The following MED6 variants were observed in gnomAD, a reference collection of about 807,000 sequenced individuals.
MED6 encodes the protein mediator complex subunit 6.
Under a neutral mutation model 37.5 loss-of-function variants are expected in MED6, and 33 were observed. The ratio of observed to expected loss-of-function variants is 0.88; its 90% confidence interval spans 0.67 to 1.18. The LOEUF (loss-of-function observed/expected upper bound fraction) is 1.18. Ranked by LOEUF, MED6 falls within the 50% of genes most tolerant of loss-of-function variation. The pLI is 0.00. For missense variants in MED6, 235 were observed against 290.6 expected, an observed-to-expected ratio of 0.81 and a Z score of 1.39; for synonymous variants, 94 against 93.6, an observed-to-expected ratio of 1.00 and a Z score of -0.02.
intron 2 of MED6, 86 bp downstream of exon 2, chr14:70,597,532 C>A: frequency 8.2e-7 from 1 of 1,214,822 alleles, no homozygotes; most frequent in South Asian, 2.3e-5. Flanking sequence ...AAGTTCTACT[C>A]TGCACTTCAT....
At chr14:70,585,889 C>T in intron 6 of MED6, 106 bp from the exon 7 acceptor site, 2 of 807,398 alleles carry the variant, frequency 2.5e-6, no homozygotes, top group Non-Finnish European at 3.8e-6. Flanking sequence ...AAAATGAAAG[C>T]TTCATCCAAA....
In MED6 at chr14:70,596,628, C is replaced by T. The variant is rs1566678073; in HGVS notation, c.257G>A (p.Arg86Gln). The change falls in exon 3 of 8, where the codon CGG becomes CAG. Residue 86 changes from arginine to glutamine, a missense_variant. By Grantham distance (43) the Arg-to-Gln change is conservative (BLOSUM62 1). Transcript: ENST00000256379. ...PILFIIRKQQ[R>Q]QSPAQVIPLA... ...CATTTTACCTTGGGCAGGGGACTGC[C>T]GCTGTTGCTTCCGAATGATGAAAAG... The T allele has an allele frequency of 6.2e-7, 1 of 1,613,378 alleles. No individual in the cohort carries two copies. The highest frequency in any genetic ancestry group is 1.7e-5 in the Admixed American group (1 of 60,008).
At chr14:70,595,794 C>T in intron 3 of MED6, 1 of 702,862 alleles carries the variant, frequency 1.4e-6, no homozygotes, top group Non-Finnish European at 2.6e-6. Context: ...AGAGTGGTGT[C>T]TGAGACCAAC....
At chr14:70,600,503 T>C in intron 1 of MED6, 113 bp downstream of exon 1, 3 of 1,200,872 alleles carry the variant, frequency 2.5e-6, no homozygotes, top group Non-Finnish European at 2.4e-6. Flanking sequence ...CAAAAACCAC[T>C]CAAAAAAGCT....
chr14:70,583,750 C>T lies in MED6; in HGVS notation c.*1063G>A, dbSNP rs1156777842. On this transcript the variant is annotated 3_prime_UTR_variant, in exon 8 of 8. Transcript: ENST00000256379. ...CTACATAAACATGGGGAAAAGCTTA[C>T]AACAGATATAATAAAGTAAAATTGT... The T allele has an allele frequency of 2.0e-5, 4 of 202,368 alleles. No homozygotes were observed. Among genetic ancestry groups the T allele is most frequent in the Non-Finnish European group, 2.9e-5 (3 of 101,836 alleles). The allele number at this position is 202,368 out of a possible 1,614,324, so 12.5% of individuals were successfully genotyped here. A position where few individuals can be genotyped will look rare whatever the true frequency, so the allele number is the denominator to read the frequency against.
At chr14:70,592,485 T>C in intron 5 of MED6, 3 of 75,410 alleles carry the variant, frequency 4.0e-5, no homozygotes, top group Non-Finnish European at 6.4e-5. Context: ...TTCCTTTTTT[T>C]TTTTTTTTTT....
chr14:70,595,242 C>T (rs766342852), intron 3 of MED6: 39 of 543,194 alleles, frequency 7.2e-5, no homozygotes, highest in Non-Finnish European at 1.3e-4. Context: ...TCTGGGTTGA[C>T]GATGAAGGTA....
chr14:70,588,150 T>C (rs980824432), intron 6 of MED6, among the ~76,000 whole-genome samples: 9 of 152,176 alleles, frequency 5.9e-5, no homozygotes, highest in African/African-American at 1.9e-4. Context: ...GATCTGAGGC[T>C]GGAAAAATTT....
At chr14:70,588,869 C>T (rs1884792504) in intron 6 of MED6, among the ~76,000 whole-genome samples, 2 of 151,834 alleles carry the variant, frequency 1.3e-5, no homozygotes, top group Non-Finnish European at 2.9e-5. Flanking sequence ...TTAAAATTAC[C>T]ATACTTTTCT....
chr14:70,595,871 A>G (rs1885030105), intron 3 of MED6: 1 of 615,006 alleles, frequency 1.6e-6, no homozygotes, highest in Non-Finnish European at 2.9e-6. Context: ...GGAGGCCAAT[A>G]AAAAGTTCAG....
Position 70,584,207 on chromosome 14 carries a change from TATG to T in MED6, c.*603_*605del, listed in dbSNP as rs767680337. The T allele has an allele frequency of 9.0e-5, 67 of 747,150 alleles. No homozygotes were observed. Among genetic ancestry groups the T allele is most frequent in the Middle Eastern group, 6.9e-4 (3 of 4,328 alleles). 46.3% of individuals were successfully genotyped at this position (747,150 alleles called of 1,614,324 possible). A position where few individuals can be genotyped will look rare whatever the true frequency, so the allele number is the denominator to read the frequency against. On this transcript the variant is annotated 3_prime_UTR_variant, in exon 8 of 8. Transcript: ENST00000256379. ...CAAAGTGCATCTGAAAAATATCAGTTATGATGAAGAAAAAAGTCATGATGAAGC... is the reference window on the plus strand; with the variant it reads ...CAAAGTGCATCTGAAAAATATCAGTTATGAAGAAAAAAGTCATGATGAAGC...
intron 4 of MED6, 136 bp downstream of exon 4, chr14:70,593,160 C>A (rs541563578): frequency 8.1e-7 from 1 of 1,229,394 alleles, no homozygotes; most frequent in Non-Finnish European, 1.1e-6. Flanking sequence ...CTCACAGTAA[C>A]CAAAGTTCAA....
Position 70,584,088 on chromosome 14 carries a change from A to T in MED6, c.*725T>A, listed in dbSNP as rs1394273533. The T allele has an allele frequency of 7.6e-6, 5 of 656,306 alleles. No individual in the cohort carries two copies. In the East Asian group the frequency reaches 1.3e-4, roughly 17 times the overall value. The allele number at this position is 656,306 out of a possible 1,614,324, so 40.7% of individuals were successfully genotyped here. A position where few individuals can be genotyped will look rare whatever the true frequency, so the allele number is the denominator to read the frequency against. ...AGGTTTTTCCTTTTCTTCATCTTCC[A>T]AAATGTCAGCAACTGTTTATTTTAA... On this transcript the variant is annotated 3_prime_UTR_variant, in exon 8 of 8. Coordinates refer to ENST00000256379, the MANE Select transcript of MED6 (RefSeq NM_005466.4).
intron 6 of MED6, among the ~76,000 whole-genome samples, chr14:70,588,942 C>G (rs1257074508): frequency 6.6e-6 from 1 of 151,856 alleles, no homozygotes; most frequent in Non-Finnish European, 1.5e-5. Flanking sequence ...TAACGTCTAG[C>G]CTAGCTCACC....
intron 6 of MED6, among the ~76,000 whole-genome samples, 166 bp downstream of exon 6, chr14:70,591,100 C>G (rs770664827): frequency 6.6e-6 from 1 of 152,178 alleles, no homozygotes; most frequent in African/African-American, 2.4e-5. Flanking sequence ...TTACCCATTT[C>G]TTCCATTAAG....
chr14:70,599,849 C>A (rs537411142), intron 1 of MED6, among the ~76,000 whole-genome samples: 1 of 152,078 alleles, frequency 6.6e-6, no homozygotes, highest in African/African-American at 2.4e-5. Flanking sequence ...AAATCATGAT[C>A]CAGAAGTGCT....
At chr14:70,592,478 C>CCTT in intron 5 of MED6, 1 of 84,100 alleles carries the variant, frequency 1.2e-5, no homozygotes, top group South Asian at 3.5e-4. Flanking sequence ...TCCTATGTTC[C>CCTT]TTTTTTTTTT....
Position 70,588,129 on chromosome 14 carries a change from T to C in MED6, c.583-2346A>G, listed in dbSNP as rs191148262. On this transcript the variant is annotated intron_variant, in intron 6 of 7. Transcript: ENST00000256379. ...TTCTGGGAGACTTGCAGTAGATTAT[T>C]TTCTTCTCTAGATCTGAGGCTGGAA... Among the ~76,000 whole-genome samples the C allele has an allele frequency of 4.6e-3, 707 of 152,296 alleles. 8 individuals are homozygous for C. The highest frequency in any genetic ancestry group is 0.016 in the African/African-American group (669 of 41,552).
chr14:70,583,590 G>A lies in MED6; in HGVS notation c.*1223C>T, dbSNP rs1470509085. 3 of 152,016 alleles carry A rather than the reference G, an allele frequency of 2.0e-5. No homozygotes were observed. The highest frequency in any genetic ancestry group is 7.3e-5 in the African/African-American group (3 of 41,358). The allele number at this position is 152,016 out of a possible 1,614,324, so 9.4% of individuals were successfully genotyped here. ...GAAATAAATACCAAACACTGAAAAG[G>A]CATTATACAAAGATATAATCACAGC... On this transcript the variant is annotated 3_prime_UTR_variant, in exon 8 of 8. Transcript: ENST00000256379.
Sources: gnomAD v4.1 joint callset for allele counts (sites outside exome capture counted in the v4.1 genomes callset) on GRCh38, gnomAD v4.1.1 for gene constraint, MANE v1.5 for transcripts, NCBI Gene and HGNC (gene_info 2026-07-23, HGNC 2026-07-21) for gene names.